XKR3: variants seen among roughly 807,000 people sequenced by gnomAD.
XKR3 encodes the protein XK-related protein 3.
In XKR3, 27 loss-of-function variants were observed where a neutral mutation model predicts 40.3. That is an observed-to-expected ratio of 0.67 (90% confidence interval 0.49 to 0.92). XKR3 has a LOEUF of 0.92. Among genes scored for constraint, XKR3 ranks in the 40% least tolerant of loss-of-function variants. XKR3 has a pLI of 0.00. For synonymous variants in XKR3, 193 were observed against 195.4 expected (o/e 0.99, Z 0.10); for missense variants, 472 against 537.6 (o/e 0.88, Z 1.21).
At chr22:16,794,612 AC>A (rs2060133102) in intron 3 of XKR3, among the ~76,000 whole-genome samples, 11 of 152,236 alleles carry the variant, frequency 7.2e-5, no homozygotes, top group African/African-American at 2.7e-4. Context: ...TCACAAAAGC[AC>A]ACTTAAGCGC....
At chr22:16,796,048 A>G (rs2060139186) in intron 3 of XKR3, among the ~76,000 whole-genome samples, 3 of 152,158 alleles carry the variant, frequency 2.0e-5, no homozygotes, top group Non-Finnish European at 2.9e-5. Context: ...AGAAATACAA[A>G]AGATCCTCAG....
chr22:16,809,777 A>C (rs1241795566), intron 1 of XKR3, among the ~76,000 whole-genome samples: 1 of 152,128 alleles, frequency 6.6e-6, no homozygotes, highest in Non-Finnish European at 1.5e-5. Context: ...TTGTTTATTG[A>C]GACACGGTCT....
At chr22:16,802,694 T>C (rs2060174323) in intron 2 of XKR3, among the ~76,000 whole-genome samples, 1 of 152,058 alleles carries the variant, frequency 6.6e-6, no homozygotes, top group Non-Finnish European at 1.5e-5. Flanking sequence ...TTCACCATGT[T>C]GGCCCGGATG....
intron 3 of XKR3, among the ~76,000 whole-genome samples, chr22:16,796,619 G>A (rs1356291135): frequency 5.3e-5 from 8 of 152,058 alleles, no homozygotes; most frequent in South Asian, 4.1e-4. Context: ...AACAGAAAAA[G>A]GGATTGATAA....
intron 2 of XKR3, among the ~76,000 whole-genome samples, chr22:16,806,811 G>T (rs954111854): frequency 1.1e-4 from 16 of 151,966 alleles, no homozygotes; most frequent in Admixed American, 3.3e-4. Context: ...ACTTTGCATT[G>T]TATTAACCTA....
chr22:16,816,028 T>C (rs1285613749), intron 1 of XKR3, among the ~76,000 whole-genome samples: 2 of 151,972 alleles, frequency 1.3e-5, no homozygotes, highest in African/African-American at 2.4e-5. Flanking sequence ...TAAATAAATA[T>C]TTGTTAATTT....
intron 3 of XKR3, among the ~76,000 whole-genome samples, chr22:16,789,518 TTAAAA>T (rs1377306379): frequency 3.9e-5 from 6 of 152,116 alleles, no homozygotes; most frequent in Admixed American, 2.6e-4. Flanking sequence ...TAATAAAAAA[TTAAAA>T]TAACATAAAT....
intron 1 of XKR3, among the ~76,000 whole-genome samples, chr22:16,820,834 T>C (rs2060252516): frequency 6.6e-6 from 1 of 152,144 alleles, no homozygotes; most frequent in Non-Finnish European, 1.5e-5. Flanking sequence ...TCATGCACAG[T>C]TATAGATGAG....
At chr22:16,797,783 A>G (rs1478723872) in intron 3 of XKR3, among the ~76,000 whole-genome samples, 1 of 139,010 alleles carries the variant, frequency 7.2e-6, no homozygotes, top group African/African-American at 2.7e-5. Flanking sequence ...ACAGAGTGAG[A>G]CTCTGTCTCA....
intron 3 of XKR3, among the ~76,000 whole-genome samples, chr22:16,789,505 T>C (rs1231168580): frequency 1.3e-4 from 20 of 152,116 alleles, no homozygotes; most frequent in African/African-American, 4.8e-4. Flanking sequence ...AATTATGAAG[T>C]ATTAATAAAA....
Position 16,807,914 on chromosome 22 carries a change from T to C in XKR3, c.160A>G (p.Met54Val), listed in dbSNP as rs2060196924. 2.5e-6 allele frequency: 4 copies of C among 1,614,040 alleles called. No homozygotes were observed. The highest frequency in any genetic ancestry group is 3.4e-6 in the Non-Finnish European group (4 of 1,179,954). ...TTAGCTTTTCGATAAATTTCAAACA[T>C]GTATAAACCAAAGGCAACCTCACCA... is the stretch of plus-strand genomic sequence containing the variant. Reference protein sequence around the residue: ...YCGEVAFGLYMFEIYRKANDT... With the variant: ...YCGEVAFGLYVFEIYRKANDT... The change falls in exon 2 of 4, where the codon ATG becomes GTG. Residue 54 changes from methionine to valine, a missense_variant. Transcript: ENST00000684488.
intron 3 of XKR3, among the ~76,000 whole-genome samples, chr22:16,789,682 T>C (rs2060105549): frequency 6.6e-6 from 1 of 152,054 alleles, no homozygotes; most frequent in South Asian, 2.1e-4. Flanking sequence ...TCAAAATTAA[T>C]ATGAAACCGC....
chr22:16,808,543 T>C (rs1018771451), intron 1 of XKR3, among the ~76,000 whole-genome samples: 8 of 152,216 alleles, frequency 5.3e-5, no homozygotes, highest in African/African-American at 1.9e-4. Context: ...GAATACAGAA[T>C]AGTGAGGCCT....
rs1466220884 is a variant in XKR3, at chr22:16,784,166, G to A, written c.833C>T (p.Ala278Val). The A allele has an allele frequency of 1.9e-6, 3 of 1,614,038 alleles. No homozygotes were observed. The Admixed American group carries it at 5.0e-5, about 27-fold the overall frequency. The change falls in exon 4 of 4, where the codon GCA (alanine) becomes GTA (valine). Residue 278 changes from alanine (A) to valine (V), a missense_variant. By Grantham distance (64) the Ala-to-Val change is moderately conservative. Coordinates refer to ENST00000684488, the MANE Select transcript of XKR3 (RefSeq NM_001386955.1). Reference sequence around the variant, plus strand: ...ACTTTTCCAAAACTCCAGCCACGGTGCCAACAATGATACAAAATATATGAT... The same window carrying A: ...ACTTTTCCAAAACTCCAGCCACGGTACCAACAATGATACAAAATATATGAT... The part of the protein sequence containing the change: ...LLIIYFVSLL[A>V]PWLEFWKSGA...
intron 2 of XKR3, among the ~76,000 whole-genome samples, chr22:16,803,538 C>T (rs749169151): frequency 1.1e-4 from 17 of 152,134 alleles, no homozygotes; most frequent in Non-Finnish European, 2.2e-4. Flanking sequence ...ATAATGGCTG[C>T]CCTTAGAGAA....
chr22:16,810,559 A>G (rs1052255260), intron 1 of XKR3, among the ~76,000 whole-genome samples: 17 of 152,142 alleles, frequency 1.1e-4, no homozygotes, highest in Non-Finnish European at 2.1e-4. Flanking sequence ...TACCTCTTAT[A>G]TTATGTGAGT....
chr22:16,822,581 T>C (rs2060261400), intron 1 of XKR3, among the ~76,000 whole-genome samples: 1 of 152,124 alleles, frequency 6.6e-6, no homozygotes. Flanking sequence ...AACCCATACT[T>C]GACATAAAGA....
chr22:16,821,281 A>G (rs1380203881), intron 1 of XKR3, among the ~76,000 whole-genome samples: 1 of 152,166 alleles, frequency 6.6e-6, no homozygotes, highest in African/African-American at 2.4e-5. Context: ...AGAAAGCTCT[A>G]TTATGACAGT....
At chr22:16,805,738 A>C (rs539410913) in intron 2 of XKR3, among the ~76,000 whole-genome samples, 2 of 152,352 alleles carry the variant, frequency 1.3e-5, no homozygotes, top group African/African-American at 4.8e-5. Flanking sequence ...ATAAGAATTA[A>C]TACATAGATC....
Sources: gnomAD v4.1 joint callset for allele counts (sites outside exome capture counted in the v4.1 genomes callset) on GRCh38, gnomAD v4.1.1 for gene constraint, MANE v1.5 for transcripts, NCBI Gene and HGNC (gene_info 2026-07-23, HGNC 2026-07-21) for gene names.